The following MBNL1 variants were observed in gnomAD, a reference collection of about 807,000 sequenced individuals.
MBNL1 encodes the protein muscleblind like splicing regulator 1.
MBNL1 carries 8 observed loss-of-function variants against 42.2 expected under a neutral mutation model. The ratio of observed to expected loss-of-function variants is 0.19; its 90% CI spans 0.11 to 0.34. The LOEUF (loss-of-function observed/expected upper bound fraction) is 0.34, where lower values mean the gene tolerates loss of function less well. Among genes scored for constraint, MBNL1 ranks in the 10% least tolerant of loss-of-function variants. The probability of loss-of-function intolerance (pLI) is 1.00; values close to 1 mark genes in which losing one functional copy is unlikely to be tolerated. For synonymous variants in MBNL1, 169 were observed against 173.9 expected (o/e 0.97, Z 0.22); for missense variants, 309 against 495.3 (o/e 0.62, Z 3.57).
Position 152,432,365 on chromosome 3 carries a change from T to C in MBNL1, c.346-352T>C, listed in dbSNP as rs956945853. Among the ~76,000 whole-genome samples, 54 of 152,158 alleles carry C rather than the reference T, an allele frequency of 3.5e-4. 1 individual carries two copies. Among genetic ancestry groups the C allele is most frequent in the African/African-American group, 3.4e-4 (14 of 41,424 alleles). On this transcript the variant is annotated intron_variant, in intron 3 of 9. Coordinates refer to ENST00000324210, the MANE Select transcript of MBNL1 (RefSeq NM_021038.5). ...AAAATGTATTTGTTAGACAAATATC[T>C]AGAATTAAATCAGGACAAAGATGAA... is the stretch of plus-strand genomic sequence containing the variant.
intron 2 of MBNL1, among the ~76,000 whole-genome samples, chr3:152,331,231 G>T (rs1444434205): frequency 6.6e-6 from 1 of 151,668 alleles, no homozygotes; most frequent in African/African-American, 2.4e-5. Flanking sequence ...CTGCCCCTGG[G>T]CATAACTGAA....
At chr3:152,375,291 T>C (rs1340918374) in intron 2 of MBNL1, among the ~76,000 whole-genome samples, 1 of 152,230 alleles carries the variant, frequency 6.6e-6, no homozygotes, top group East Asian at 1.9e-4. Context: ...TTCTCACAAT[T>C]AAGTGTGGAG....
chr3:152,300,134 T>G lies in MBNL1; in HGVS notation c.-60T>G. On this transcript the variant is annotated 5_prime_UTR_variant, in exon 2 of 10. Transcript: ENST00000324210. Reference sequence around the variant, plus strand: ...TTTTTTTTTTTGGTTGTTGCTCTTTTTTGGGGGGGTTGGGTTTGTTGGTTT... The same window carrying G: ...TTTTTTTTTTTGGTTGTTGCTCTTTGTTGGGGGGGTTGGGTTTGTTGGTTT... 8.5e-7 allele frequency: 1 copy of G among 1,178,752 alleles called. No homozygotes were observed. Among genetic ancestry groups the G allele is most frequent in the Non-Finnish European group, 1.2e-6 (1 of 846,608 alleles). The allele number at this position is 1,178,752 out of a possible 1,614,324, so 73.0% of individuals were successfully genotyped here.
chr3:152,385,883 A>G (rs954018361), intron 2 of MBNL1, among the ~76,000 whole-genome samples: 5 of 152,032 alleles, frequency 3.3e-5, no homozygotes, highest in African/African-American at 1.2e-4. Flanking sequence ...GTAGTTCACT[A>G]TTTTATGTCC....
intron 2 of MBNL1, among the ~76,000 whole-genome samples, chr3:152,362,280 G>A (rs886470150): frequency 6.6e-6 from 1 of 152,152 alleles, no homozygotes; most frequent in Non-Finnish European, 1.5e-5. Flanking sequence ...GCTCACTGCC[G>A]CGCGGATCCA....
intron 2 of MBNL1, among the ~76,000 whole-genome samples, chr3:152,336,084 G>A (rs915475997): frequency 6.6e-6 from 1 of 152,026 alleles, no homozygotes; most frequent in Non-Finnish European, 1.5e-5. Flanking sequence ...TTTTCCCCTT[G>A]CGATGCTTAA....
chr3:152,263,610 T>A (rs1397312914), upstream of MBNL1: 1 of 152,238 alleles, frequency 6.6e-6, no homozygotes, highest in Non-Finnish European at 1.5e-5. Flanking sequence ...ACTTTTGGTT[T>A]GCTGTCATTC....
intron 2 of MBNL1, among the ~76,000 whole-genome samples, chr3:152,355,127 C>CA (rs1039451805): frequency 3.3e-5 from 5 of 151,864 alleles, no homozygotes; most frequent in African/African-American, 1.2e-4. Flanking sequence ...GAAAGTATGA[C>CA]AAAAAAATCG....
chr3:152,457,468 A>G (rs1248930562), intron 8 of MBNL1, among the ~76,000 whole-genome samples: 2 of 152,252 alleles, frequency 1.3e-5, no homozygotes, highest in African/African-American at 4.8e-5. Flanking sequence ...ATAATACATC[A>G]CGTACTGTTG....
At chr3:152,377,703 T>A (rs1437945559) in intron 2 of MBNL1, among the ~76,000 whole-genome samples, 1 of 152,210 alleles carries the variant, frequency 6.6e-6, no homozygotes, top group South Asian at 2.1e-4. Context: ...TTAAAATTAT[T>A]TAACATTGAG....
intron 2 of MBNL1, among the ~76,000 whole-genome samples, chr3:152,401,658 G>A (rs111310986): frequency 1.2e-4 from 19 of 152,246 alleles, no homozygotes; most frequent in African/African-American, 3.6e-4. Flanking sequence ...ATTGGTTCCT[G>A]GATATGTGTT....
At chr3:152,249,304 T>G (rs2033988471) in intron 2 of MBNL1, among the ~76,000 whole-genome samples, 1 of 141,540 alleles carries the variant, frequency 7.1e-6, no homozygotes, top group Non-Finnish European at 1.6e-5. Context: ...TTTAATGATC[T>G]CCATTCTAAC....
chr3:152,260,988 C>A (rs2036163516), intron 2 of MBNL1, among the ~76,000 whole-genome samples: 2 of 152,122 alleles, frequency 1.3e-5, no homozygotes, highest in Admixed American at 1.3e-4. Context: ...AATTCTGTTT[C>A]TATTGAGCCA....
Position 152,400,327 on chromosome 3 carries a change from A to G in MBNL1, c.175-14614A>G, listed in dbSNP as rs369105899. 4.6e-5 allele frequency among the ~76,000 whole-genome samples: 7 copies of G among 152,344 alleles called. No individual in the cohort carries two copies. In the South Asian group the frequency reaches 1.4e-3, roughly 32 times the overall value. ...TTTATAAACATTTGCTATAGCTATG[A>G]AATTTTTAACTTGAGCTTAAGCAAC... On this transcript the variant is annotated intron_variant, in intron 2 of 9. Transcript: ENST00000324210.
At chr3:152,360,904 TTAA>T (rs1268293704) in intron 2 of MBNL1, among the ~76,000 whole-genome samples, 2 of 152,172 alleles carry the variant, frequency 1.3e-5, no homozygotes, top group African/African-American at 4.8e-5. Context: ...TTAATTATAC[TTAA>T]TAATTTTTGA....
intron 2 of MBNL1, among the ~76,000 whole-genome samples, chr3:152,341,686 G>A (rs1300993733): frequency 6.6e-6 from 1 of 152,138 alleles, no homozygotes; most frequent in African/African-American, 2.4e-5. Flanking sequence ...TCAAATATAA[G>A]CCTTTTATGA....
intron 2 of MBNL1, among the ~76,000 whole-genome samples, chr3:152,348,809 A>G (rs2094585673): frequency 6.6e-6 from 1 of 152,124 alleles, no homozygotes; most frequent in African/African-American, 2.4e-5. Context: ...TACTTTTAAC[A>G]TTTAGCCGGC....
intron 2 of MBNL1, among the ~76,000 whole-genome samples, chr3:152,311,757 A>C (rs2066624845): frequency 6.6e-6 from 1 of 152,186 alleles, no homozygotes; most frequent in Non-Finnish European, 1.5e-5. Context: ...CCATGTAAAT[A>C]TAAGAATCGT....
At chr3:152,340,322 G>A (rs780864243) in intron 2 of MBNL1, 35 of 587,810 alleles carry the variant, frequency 6.0e-5, no homozygotes, top group Non-Finnish European at 8.3e-5. Flanking sequence ...AAAGAAAAAG[G>A]GGAGATAATA....
Sources: allele counts gnomAD v4.1 joint callset (sites outside exome capture counted in the v4.1 genomes callset), GRCh38; gene constraint gnomAD v4.1.1; transcripts MANE v1.5; gene names NCBI Gene and HGNC (gene_info 2026-07-23, HGNC 2026-07-21).